The following TMEM26 variants were observed in gnomAD, a reference collection of about 807,000 sequenced individuals.
TMEM26 encodes transmembrane protein 26.
In TMEM26, 38 loss-of-function variants were observed where a neutral mutation model predicts 28.8. The observed-to-expected ratio is 1.32, with a 90% CI of 1.02 to 1.73. The LOEUF is 1.73. Ranked by LOEUF, TMEM26 falls within the 40% of genes most tolerant of loss-of-function variation. The probability of loss-of-function intolerance (pLI) is 0.00; values close to 1 mark genes in which losing one functional copy is unlikely to be tolerated. For synonymous variants in TMEM26, 227 were observed against 182.9 expected, an observed-to-expected ratio of 1.24 and a Z score of -1.95; for missense variants, 518 against 447.1, an observed-to-expected ratio of 1.16 and a Z score of -1.43.
intron 4 of TMEM26, among the ~76,000 whole-genome samples, chr10:61,417,332 A>T (rs1269782012): frequency 6.6e-6 from 1 of 152,044 alleles, no homozygotes; most frequent in Non-Finnish European, 1.5e-5. Context: ...GGCATTTGGT[A>T]TATCAGCACA....
chr10:61,439,134 A>G (rs146939908), intron 1 of TMEM26, among the ~76,000 whole-genome samples: 1 of 152,322 alleles, frequency 6.6e-6, no homozygotes, highest in African/African-American at 2.4e-5. Flanking sequence ...TTATTTTGGA[A>G]TGTTCTTCTC....
At chr10:61,410,892 TC>T in intron 5 of TMEM26, 146 bp from the exon 6 acceptor site, 1 of 885,684 alleles carries the variant, frequency 1.1e-6, no homozygotes, top group Non-Finnish European at 1.7e-6. Context: ...AATGGAATGA[TC>T]CAGTAATTTA....
At chr10:61,429,197 G>C (rs1839882500) in intron 3 of TMEM26, 51 bp from the exon 4 acceptor site, 1 of 1,479,248 alleles carries the variant, frequency 6.8e-7, no homozygotes, top group Non-Finnish European at 9.4e-7. Context: ...CCACCTGAGA[G>C]AGAAATATTT....
chr10:61,435,601 T>C (rs868306277), intron 2 of TMEM26, among the ~76,000 whole-genome samples: 22 of 152,214 alleles, frequency 1.4e-4, no homozygotes, highest in African/African-American at 5.3e-4. Flanking sequence ...GAAAAGAATT[T>C]CTATTTCACT....
At chr10:61,422,347 G>A (rs1170276823) in intron 4 of TMEM26, among the ~76,000 whole-genome samples, 1 of 152,040 alleles carries the variant, frequency 6.6e-6, no homozygotes, top group Non-Finnish European at 1.5e-5. Flanking sequence ...CCAACACCAA[G>A]TAAAGACACA....
At chr10:61,424,598 G>A (rs983159908) in intron 4 of TMEM26, among the ~76,000 whole-genome samples, 2 of 151,996 alleles carry the variant, frequency 1.3e-5, no homozygotes, top group East Asian at 3.9e-4. Flanking sequence ...ATATAAAAAT[G>A]CAAAGCACCT....
intron 5 of TMEM26, among the ~76,000 whole-genome samples, chr10:61,412,315 A>G (rs1170869992): frequency 6.6e-6 from 1 of 152,094 alleles, no homozygotes; most frequent in African/African-American, 2.4e-5. Context: ...CGTTTTTGGC[A>G]TTTCTTAAAA....
At chr10:61,415,748 C>G (rs545062677) in intron 4 of TMEM26, among the ~76,000 whole-genome samples, 19 of 151,930 alleles carry the variant, frequency 1.3e-4, no homozygotes, top group Non-Finnish European at 2.2e-4. Flanking sequence ...TCAGAACATA[C>G]CTGAAATATT....
At chr10:61,451,666 G>A (rs188098577) in intron 1 of TMEM26, among the ~76,000 whole-genome samples, 1 of 152,236 alleles carries the variant, frequency 6.6e-6, no homozygotes, top group East Asian at 1.9e-4. Context: ...GGGGTGGGGA[G>A]GTGGAGCCAG....
At chr10:61,426,992 A>G (rs1341750133) in intron 4 of TMEM26, among the ~76,000 whole-genome samples, 2 of 152,048 alleles carry the variant, frequency 1.3e-5, no homozygotes, top group African/African-American at 2.4e-5. Flanking sequence ...GACAGTGGAT[A>G]TCTGAGTAAT....
Position 61,429,102 on chromosome 10 carries a change from A to C in TMEM26, c.429T>G (p.Val143=). Residue 143 remains valine, a synonymous_variant, in exon 4 of 6, where the codon GTT becomes GTG. Coordinates refer to ENST00000399298, the MANE Select transcript of TMEM26 (RefSeq NM_178505.8). ...ATGTCTGATGGAGTCCCAATGTCCAAACTTTCTCACATACTGTAGATAAGT... is the reference window on the plus strand; with the variant it reads ...ATGTCTGATGGAGTCCCAATGTCCACACTTTCTCACATACTGTAGATAAGT... ...VNNLSTVCEK[V]WTLGLHQTFL... The C allele has an allele frequency of 6.2e-7, 1 of 1,613,266 alleles. No homozygotes were observed. The highest frequency in any genetic ancestry group is 8.5e-7 in the Non-Finnish European group (1 of 1,179,448).
At chr10:61,451,152 T>C (rs185178815) in intron 1 of TMEM26, among the ~76,000 whole-genome samples, 3 of 152,306 alleles carry the variant, frequency 2.0e-5, no homozygotes, top group African/African-American at 7.2e-5. Flanking sequence ...ACTTGACTTA[T>C]TGACCATCAC....
chr10:61,430,960 A>G (rs985762614), intron 3 of TMEM26, among the ~76,000 whole-genome samples: 31 of 152,022 alleles, frequency 2.0e-4, no homozygotes, highest in African/African-American at 7.2e-4. Context: ...ATGTGCACAT[A>G]TTATCTTCTT....
At chr10:61,420,995 A>G (rs191287580) in intron 4 of TMEM26, among the ~76,000 whole-genome samples, 22 of 152,224 alleles carry the variant, frequency 1.4e-4, no homozygotes, top group African/African-American at 4.6e-4. Context: ...TAACATACAA[A>G]GATATAATAT....
At chr10:61,417,357 T>A (rs1483351141) in intron 4 of TMEM26, among the ~76,000 whole-genome samples, 1 of 151,910 alleles carries the variant, frequency 6.6e-6, no homozygotes, top group Non-Finnish European at 1.5e-5. Flanking sequence ...ATATGGTGGT[T>A]AAAAGTAAAA....
chr10:61,415,326 G>T (rs1304628782), intron 4 of TMEM26, among the ~76,000 whole-genome samples: 1 of 152,046 alleles, frequency 6.6e-6, no homozygotes, highest in East Asian at 1.9e-4. Flanking sequence ...AGAAATATAA[G>T]GTCTAAAATT....
In TMEM26 at chr10:61,408,132, G is replaced by C. The variant is rs1839518681; in HGVS notation, c.*2190C>G. On this transcript the variant is annotated 3_prime_UTR_variant, in exon 6 of 6. Coordinates refer to ENST00000399298, the MANE Select transcript of TMEM26 (RefSeq NM_178505.8). ...AGAGAGTAGGAGTACTGGCAGCTAG[G>C]TTAACAAATGCTGCCCCAAGCAGAT... 1 of 152,058 alleles carries C rather than the reference G, an allele frequency of 6.6e-6. No homozygotes were observed. Among genetic ancestry groups the C allele is most frequent in the South Asian group, 2.1e-4 (1 of 4,824 alleles). 9.4% of individuals were successfully genotyped at this position (152,058 alleles called of 1,614,324 possible).
intron 1 of TMEM26, among the ~76,000 whole-genome samples, chr10:61,438,921 A>C (rs549397077): frequency 5.3e-5 from 8 of 152,304 alleles, no homozygotes; most frequent in African/African-American, 1.9e-4. Context: ...AGATTATTTG[A>C]CCTAATGAAG....
chr10:61,437,996 A>T (rs933337963), intron 1 of TMEM26, among the ~76,000 whole-genome samples: 33 of 152,218 alleles, frequency 2.2e-4, no homozygotes, highest in Non-Finnish European at 3.2e-4. Flanking sequence ...GTATGTTATT[A>T]TAATTCAGGA....
Sources: gnomAD v4.1 joint callset for allele counts (sites outside exome capture counted in the v4.1 genomes callset) on GRCh38, gnomAD v4.1.1 for gene constraint, MANE v1.5 for transcripts, NCBI Gene and HGNC (gene_info 2026-07-23, HGNC 2026-07-21) for gene names.